PFDN1: variants seen among roughly 807,000 people sequenced by gnomAD.
PFDN1 encodes prefoldin subunit 1.
Under a neutral mutation model 17.3 loss-of-function variants are expected in PFDN1, and 6 were observed. The ratio of observed to expected loss-of-function variants is 0.35; its 90% confidence interval spans 0.19 to 0.69. The LOEUF is 0.69. PFDN1 is among the 30% of genes least tolerant of loss of function. PFDN1 has a pLI of 0.65. For missense variants in PFDN1, 113 were observed against 146.2 expected, an observed-to-expected ratio of 0.77 and a Z score of 1.17; for synonymous variants, 58 against 50.1, an observed-to-expected ratio of 1.16 and a Z score of -0.67.
At chr5:140,283,623 G>C (rs752053549) in intron 2 of PFDN1, among the ~76,000 whole-genome samples, 2 of 152,176 alleles carry the variant, frequency 1.3e-5, no homozygotes, top group Non-Finnish European at 2.9e-5. Context: ...CCACATTCAT[G>C]CAAAACAAGG....
At chr5:140,298,970 C>G (rs1561520902) in intron 2 of PFDN1, among the ~76,000 whole-genome samples, 3 of 152,158 alleles carry the variant, frequency 2.0e-5, no homozygotes, top group Non-Finnish European at 4.4e-5. Flanking sequence ...AGGCTGGTCT[C>G]AAACCCCTAA....
At chr5:140,269,480 G>A (rs1439611432) in intron 3 of PFDN1, among the ~76,000 whole-genome samples, 16 of 151,782 alleles carry the variant, frequency 1.1e-4, no homozygotes, top group East Asian at 1.9e-4. Flanking sequence ...CACCACGCCC[G>A]GCTAATTTTG....
intron 3 of PFDN1, among the ~76,000 whole-genome samples, chr5:140,274,767 T>C (rs1038245137): frequency 1.3e-5 from 2 of 152,072 alleles, no homozygotes; most frequent in Non-Finnish European, 2.9e-5. Flanking sequence ...CCTAGCACTT[T>C]AGGAGGCTGA....
intron 3 of PFDN1, among the ~76,000 whole-genome samples, chr5:140,248,472 G>A (rs1234333923): frequency 6.6e-6 from 1 of 152,168 alleles, no homozygotes; most frequent in Non-Finnish European, 1.5e-5. Context: ...TCACAAAGAG[G>A]GGAGCAATAG....
intron 2 of PFDN1, among the ~76,000 whole-genome samples, chr5:140,287,057 A>G (rs1765506740): frequency 1.3e-5 from 2 of 152,228 alleles, no homozygotes; most frequent in South Asian, 4.1e-4. Context: ...TATTATAAAT[A>G]TGTGTGTATG....
chr5:140,253,258 C>A (rs1464777009), intron 3 of PFDN1, among the ~76,000 whole-genome samples: 1 of 152,080 alleles, frequency 6.6e-6, no homozygotes, highest in East Asian at 1.9e-4. Context: ...TGTTTTCCTC[C>A]CAGGTGTGCT....
chr5:140,293,847 T>C (rs1005520807), intron 2 of PFDN1, among the ~76,000 whole-genome samples: 2 of 152,064 alleles, frequency 1.3e-5, no homozygotes, highest in African/African-American at 4.8e-5. Context: ...TGGGGTTATA[T>C]ACATATTCAG....
intron 3 of PFDN1, among the ~76,000 whole-genome samples, chr5:140,250,997 T>C (rs1764905619): frequency 6.6e-6 from 1 of 152,178 alleles, no homozygotes; most frequent in African/African-American, 2.4e-5. Flanking sequence ...TGCAATGGCA[T>C]GATCTAGGCT....
intron 3 of PFDN1, among the ~76,000 whole-genome samples, chr5:140,278,316 C>G (rs983255592): frequency 2.6e-5 from 4 of 151,688 alleles, no homozygotes; most frequent in African/African-American, 9.7e-5. Flanking sequence ...ACCTGTAATC[C>G]CAGCACTTTG....
chr5:140,279,702 T>C (rs1280140032), intron 3 of PFDN1, among the ~76,000 whole-genome samples: 2 of 151,120 alleles, frequency 1.3e-5, no homozygotes, highest in East Asian at 1.9e-4. Context: ...ATTACAGAGA[T>C]TGTAAGAAAA....
intron 2 of PFDN1, among the ~76,000 whole-genome samples, chr5:140,287,858 G>A (rs188330934): frequency 3.9e-5 from 6 of 152,294 alleles, no homozygotes; most frequent in South Asian, 4.1e-4. Context: ...TATGTTATTA[G>A]GGAACTATAA....
At chr5:140,279,995 C>CAAAAAAAAAAAAAAAAAAAA (rs772575762) in intron 3 of PFDN1, among the ~76,000 whole-genome samples, 28 of 31,236 alleles carry the variant, frequency 9.0e-4, no homozygotes, top group South Asian at 1.7e-3. Flanking sequence ...AACTCCGTCT[C>CAAAAAAAAAAAAAAAAAAAA]AAAAAAAAAA....
chr5:140,285,238 G>A (rs550458534), intron 2 of PFDN1, among the ~76,000 whole-genome samples: 3 of 151,766 alleles, frequency 2.0e-5, no homozygotes, highest in Non-Finnish European at 4.4e-5. Context: ...AAAGACATAA[G>A]AATGAGCCTA....
At chr5:140,265,994 G>A (rs188883529) in intron 3 of PFDN1, among the ~76,000 whole-genome samples, 16 of 152,200 alleles carry the variant, frequency 1.1e-4, no homozygotes, top group Admixed American at 7.9e-4. Context: ...ACTATTCCTT[G>A]ATTTGAAATG....
chr5:140,273,059 A>G (rs1765232427), intron 3 of PFDN1, among the ~76,000 whole-genome samples: 1 of 152,104 alleles, frequency 6.6e-6, no homozygotes, highest in Non-Finnish European at 1.5e-5. Flanking sequence ...AGTCTGGCCA[A>G]TATGGTGAAA....
At chr5:140,300,363 A>G in intron 2 of PFDN1, 53 bp downstream of exon 2, 2 of 1,328,538 alleles carry the variant, frequency 1.5e-6, no homozygotes, top group Non-Finnish European at 2.1e-6. Flanking sequence ...ATTCTATTTA[A>G]CTCGGACAAA....
At chr5:140,291,738 A>C (rs751273256) in intron 2 of PFDN1, among the ~76,000 whole-genome samples, 6 of 152,194 alleles carry the variant, frequency 3.9e-5, no homozygotes, top group Admixed American at 6.6e-5. Flanking sequence ...ATGCAAAAGA[A>C]ATGAAGACAG....
intron 3 of PFDN1, among the ~76,000 whole-genome samples, chr5:140,249,098 T>C (rs1251588179): frequency 6.6e-6 from 1 of 152,240 alleles, no homozygotes; most frequent in Non-Finnish European, 1.5e-5. Context: ...CCCAAGCATA[T>C]TTAAGCCCAG....
intron 3 of PFDN1, among the ~76,000 whole-genome samples, chr5:140,263,100 C>T (rs1765086371): frequency 6.6e-6 from 1 of 152,238 alleles, no homozygotes; most frequent in South Asian, 2.1e-4. Context: ...TCACCTCCAG[C>T]TTTAATTAGT....
Sources: allele counts gnomAD v4.1 joint callset (sites outside exome capture counted in the v4.1 genomes callset), GRCh38; gene constraint gnomAD v4.1.1; transcripts MANE v1.5; gene names NCBI Gene and HGNC (gene_info 2026-07-23, HGNC 2026-07-21).